SUCO: variants seen among roughly 807,000 people sequenced by gnomAD.
SUCO encodes SUN domain containing ossification factor, also known as SUN domain-containing ossification factor.
In SUCO, 57 loss-of-function variants were observed where a neutral mutation model predicts 148.1. That is an observed-to-expected ratio of 0.38 (90% CI 0.31 to 0.48). The LOEUF is 0.48. Ranked by LOEUF, SUCO falls within the 20% of genes least tolerant of loss-of-function variation. SUCO has a pLI of 0.96. For missense variants in SUCO, 1,331 were observed against 1,468.2 expected (o/e 0.91, Z 1.53); for synonymous variants, 470 against 502.7 (o/e 0.93, Z 0.87).
chr1:172,564,554 C>A (rs931696385), intron 6 of SUCO, among the ~76,000 whole-genome samples: 1 of 152,092 alleles, frequency 6.6e-6, no homozygotes, highest in Non-Finnish European at 1.5e-5. Flanking sequence ...TTTCCTGAGG[C>A]CTTCTCAACT....
intron 6 of SUCO, chr1:172,568,305 T>TACCCC: frequency 1.1e-6 from 1 of 906,000 alleles, no homozygotes; most frequent in Non-Finnish European, 1.3e-6. Flanking sequence ...ATTCTTTGCT[T>TACCCC]CCCACCCACC....
intron 19 of SUCO, among the ~76,000 whole-genome samples, chr1:172,598,983 G>T (rs981375250): frequency 1.3e-5 from 2 of 152,224 alleles, no homozygotes; most frequent in Admixed American, 1.3e-4. Context: ...AAAAGTTTTT[G>T]AATCAAAATA....
In SUCO at chr1:172,602,238, TCAC is replaced by T; in HGVS notation, c.3173+21_3173+23del. The T allele has an allele frequency of 6.4e-7, 1 of 1,560,848 alleles. No individual in the cohort carries two copies. The highest frequency in any genetic ancestry group is 8.7e-7 in the Non-Finnish European group (1 of 1,152,286). ...TAAAAGGTAATATCAGCATTATATT[TCAC>T]AATTTTATTTTTTTTACTATGCTTT... On this transcript the variant is annotated intron_variant, in intron 21 of 23. Transcript: ENST00000263688.
At chr1:172,540,901 G>C (rs1197133865) in intron 1 of SUCO, among the ~76,000 whole-genome samples, 3 of 152,148 alleles carry the variant, frequency 2.0e-5, no homozygotes, top group Non-Finnish European at 4.4e-5. Flanking sequence ...AGAGATTTCA[G>C]AGATTGTGGT....
In SUCO at chr1:172,610,010, GTCAGAAGAGTCCTAT is replaced by G; in HGVS notation, c.3518_3532del (p.Ser1173_Tyr1177del). The G allele has an allele frequency of 6.2e-7, 1 of 1,613,940 alleles. No individual in the cohort carries two copies. The highest frequency in any genetic ancestry group is 8.5e-7 in the Non-Finnish European group (1 of 1,179,892). ...AAGGAAGCTCAGAAACTTCATCACA[GTCAGAAGAGTCCTAT>G]TTTTGTGGCATTTCAGCTTGCACAA... On this transcript the variant is annotated inframe_deletion, in exon 24 of 24. Transcript: ENST00000263688.
intron 1 of SUCO, among the ~76,000 whole-genome samples, chr1:172,549,362 C>T (rs1653105023): frequency 6.6e-6 from 1 of 151,674 alleles, no homozygotes; most frequent in African/African-American, 2.4e-5. Context: ...TTAGGCTTGG[C>T]TCATTTGCAT....
At chr1:172,591,680 T>G (rs1656685619) in intron 19 of SUCO, among the ~76,000 whole-genome samples, 1 of 152,054 alleles carries the variant, frequency 6.6e-6, no homozygotes, top group Non-Finnish European at 1.5e-5. Context: ...AGTCTATCAT[T>G]GTTGGACATT....
At chr1:172,563,911 T>C (rs1654365343) in intron 6 of SUCO, among the ~76,000 whole-genome samples, 5 of 152,208 alleles carry the variant, frequency 3.3e-5, no homozygotes, top group Admixed American at 3.3e-4. Context: ...CTGTGCAGCC[T>C]CCGGACATGG....
At chr1:172,585,824 T>G (rs1334603104) in intron 16 of SUCO, 34 bp from the exon 17 acceptor site, 1 of 1,402,868 alleles carries the variant, frequency 7.1e-7, no homozygotes, top group South Asian at 1.3e-5. Flanking sequence ...GCTTTTAAAA[T>G]TGAACTCAAC....
At chr1:172,581,502 T>C (rs1240899206) in intron 15 of SUCO, among the ~76,000 whole-genome samples, 1 of 152,208 alleles carries the variant, frequency 6.6e-6, no homozygotes, top group Non-Finnish European at 1.5e-5. Context: ...CTTCTGTATC[T>C]GTGTCCTTCT....
In SUCO at chr1:172,570,273, T is replaced by G. The variant is rs939676427; in HGVS notation, c.981+102T>G. On this transcript the variant is annotated intron_variant, in intron 8 of 23. Transcript: ENST00000263688. ...GAACTATATTTTAATGTGAGATATT[T>G]TCCTTATTCACTAATAAAAGCAGAA... 4.3e-5 allele frequency: 28 copies of G among 652,370 alleles called. 1 individual carries two copies. In the South Asian group the frequency reaches 9.7e-4, roughly 23 times the overall value. The allele number at this position is 652,370 out of a possible 1,614,324, so 40.4% of individuals were successfully genotyped here. A position where few individuals can be genotyped will look rare whatever the true frequency, so the allele number is the denominator to read the frequency against.
In SUCO at chr1:172,610,331, G is replaced by A. The variant is rs1571308245; in HGVS notation, c.*72G>A. The A allele has an allele frequency of 6.8e-7, 1 of 1,476,638 alleles. No homozygotes were observed. The highest frequency in any genetic ancestry group is 2.4e-5 in the East Asian group (1 of 41,592). 91.5% of individuals were successfully genotyped at this position (1,476,638 alleles called of 1,614,324 possible). A position where few individuals can be genotyped will look rare whatever the true frequency, so the allele number is the denominator to read the frequency against. ...TGAAGAACAGTCTGTAGTATTTGAA[G>A]GGTTTGGGGGAGGGAGAAAATATTA... On this transcript the variant is annotated 3_prime_UTR_variant, in exon 24 of 24. Transcript: ENST00000263688.
chr1:172,607,131 T>G (rs1172360894), intron 22 of SUCO, among the ~76,000 whole-genome samples: 2 of 151,954 alleles, frequency 1.3e-5, no homozygotes, highest in Admixed American at 1.3e-4. Flanking sequence ...GTTTGATAAA[T>G]CTAATATCTT....
At position 172,557,318 on chromosome 1, in the gene SUCO, C is replaced by A; in HGVS notation, c.482C>A (p.Pro161Gln). ...EKSGTIPIAK[P>Q]SETEQSETDC... Reference sequence around the variant, plus strand: ...TCTGGTACTATTCCGATAGCCAAACCAAGTGAAACTGAGCAGTCTGAAACT... The same window carrying A: ...TCTGGTACTATTCCGATAGCCAAACAAAGTGAAACTGAGCAGTCTGAAACT... Residue 161 changes from proline (P) to glutamine (Q), a missense_variant, in exon 5 of 24, where the codon CCA (proline) becomes CAA (glutamine). Transcript: ENST00000263688. 6.2e-7 allele frequency: 1 copy of A among 1,613,808 alleles called. No individual in the cohort carries two copies.
intron 17 of SUCO, chr1:172,588,398 T>A (rs1393995313): frequency 1.0e-6 from 1 of 985,070 alleles, no homozygotes; most frequent in Non-Finnish European, 1.2e-6. Flanking sequence ...TAAGGGATAG[T>A]GAAGCTTGTA....
At chr1:172,591,883 T>C (rs1656701082) in intron 19 of SUCO, among the ~76,000 whole-genome samples, 1 of 152,240 alleles carries the variant, frequency 6.6e-6, no homozygotes, top group South Asian at 2.1e-4. Context: ...TGAACTAGTT[T>C]ACAGTCCAAC....
chr1:172,606,657 A>G (rs1657887259), intron 22 of SUCO, among the ~76,000 whole-genome samples: 1 of 151,794 alleles, frequency 6.6e-6, no homozygotes, highest in Non-Finnish European at 1.5e-5. Flanking sequence ...ATTTGTCATT[A>G]GTTAAAACTG....
intron 11 of SUCO, 101 bp from the exon 12 acceptor site, chr1:172,577,438 A>G (rs1022133473): frequency 4.4e-6 from 5 of 1,126,936 alleles, no homozygotes; most frequent in Non-Finnish European, 5.1e-6. Flanking sequence ...ATTACTCTCT[A>G]TACTTTATAC....
chr1:172,589,646 G>A lies in SUCO; in HGVS notation c.2545G>A (p.Ala849Thr). The A allele has an allele frequency of 1.2e-6, 2 of 1,613,874 alleles. No homozygotes were observed. Among genetic ancestry groups the A allele is most frequent in the Non-Finnish European group, 1.7e-6 (2 of 1,179,886 alleles). The change falls in exon 18 of 24, where the codon GCA (alanine) becomes ACA (threonine). Residue 849 changes from alanine to threonine, a missense_variant. By Grantham distance (58) the Ala-to-Thr change is moderately conservative. Transcript: ENST00000263688. ...AGCCAAAATGAATATAGCTGACACAGCAAAGCAAACTTTGATTTCTGTTGT... is the reference window on the plus strand; with the variant it reads ...AGCCAAAATGAATATAGCTGACACAACAAAGCAAACTTTGATTTCTGTTGT... The part of the protein sequence containing the change: ...GEAKMNIADT[A>T]KQTLISVVDS...
Sources: allele counts gnomAD v4.1 joint callset (sites outside exome capture counted in the v4.1 genomes callset), GRCh38; gene constraint gnomAD v4.1.1; transcripts MANE v1.5; gene names NCBI Gene and HGNC (gene_info 2026-07-23, HGNC 2026-07-21).